Variants in RBPMS observed in about 807,000 individuals in gnomAD.
RBPMS encodes RNA-binding protein with multiple splicing.
RBPMS carries 7 observed loss-of-function variants against 26.8 expected under a neutral mutation model. The ratio of observed to expected loss-of-function variants is 0.26; its 90% CI spans 0.15 to 0.49. The LOEUF (loss-of-function observed/expected upper bound fraction) is 0.49. Ranked by LOEUF, RBPMS falls within the 20% of genes least tolerant of loss-of-function variation. The pLI, the probability that RBPMS is intolerant of heterozygous loss-of-function variation, is 0.98. For missense variants in RBPMS, 186 were observed against 250.0 expected, an observed-to-expected ratio of 0.74 and a Z score of 1.73; for synonymous variants, 96 against 93.3, an observed-to-expected ratio of 1.03 and a Z score of -0.17.
chr8:30,541,922 T>C (rs1285666180), intron 5 of RBPMS, among the ~76,000 whole-genome samples: 1 of 152,180 alleles, frequency 6.6e-6, no homozygotes, highest in East Asian at 1.9e-4. Context: ...AAGGAGTGTA[T>C]GTGTGTGTTA....
intron 1 of RBPMS, among the ~76,000 whole-genome samples, chr8:30,389,366 G>A (rs1351806467): frequency 2.0e-5 from 3 of 152,212 alleles, no homozygotes; most frequent in Non-Finnish European, 4.4e-5. Context: ...TTTCAGATGG[G>A]TAGTTTGGAA....
intron 5 of RBPMS, chr8:30,537,430 T>C (rs1057438281): frequency 2.7e-6 from 1 of 374,954 alleles, no homozygotes; most frequent in African/African-American, 2.1e-5. Context: ...CTTCTGCAGT[T>C]TGTATCAGAG....
intron 4 of RBPMS, among the ~76,000 whole-genome samples, chr8:30,482,975 A>C (rs750708269): frequency 3.3e-5 from 5 of 152,224 alleles, no homozygotes; most frequent in Non-Finnish European, 7.3e-5. Flanking sequence ...GGAAATTTTT[A>C]AACGGGACAC....
At chr8:30,415,722 CTGCT>C (rs1193104077) in intron 1 of RBPMS, among the ~76,000 whole-genome samples, 1 of 152,104 alleles carries the variant, frequency 6.6e-6, no homozygotes, top group Non-Finnish European at 1.5e-5. Flanking sequence ...TGGAATAAGA[CTGCT>C]TGGTGTGTTA....
chr8:30,562,547 CCTT>C (rs1194428761), intron 7 of RBPMS, among the ~76,000 whole-genome samples: 3 of 152,082 alleles, frequency 2.0e-5, no homozygotes, highest in Non-Finnish European at 4.4e-5. Flanking sequence ...TATTTCAGCT[CCTT>C]CTAGTCTCTT....
chr8:30,484,949 C>G (rs566676269), intron 4 of RBPMS, among the ~76,000 whole-genome samples: 1 of 152,206 alleles, frequency 6.6e-6, no homozygotes, highest in Non-Finnish European at 1.5e-5. Flanking sequence ...AGTTCTATAC[C>G]AAGTTTCTCA....
At chr8:30,477,213 C>T (rs993483064) in intron 2 of RBPMS, among the ~76,000 whole-genome samples, 6 of 152,098 alleles carry the variant, frequency 3.9e-5, no homozygotes, top group Admixed American at 1.3e-4. Flanking sequence ...CCACCATGCT[C>T]GGCTAATTTT....
At chr8:30,409,854 A>G (rs1381350159) in intron 1 of RBPMS, among the ~76,000 whole-genome samples, 1 of 150,764 alleles carries the variant, frequency 6.6e-6, no homozygotes, top group Non-Finnish European at 1.5e-5. Context: ...GCTGGTCTCG[A>G]TCTCCTGACC....
At chr8:30,488,641 C>G (rs1286363476) in intron 4 of RBPMS, among the ~76,000 whole-genome samples, 1 of 152,122 alleles carries the variant, frequency 6.6e-6, no homozygotes, top group African/African-American at 2.4e-5. Flanking sequence ...TCACCCTGTC[C>G]CCTTGATTTA....
At chr8:30,417,659 T>G (rs992035414) in intron 1 of RBPMS, among the ~76,000 whole-genome samples, 1 of 152,218 alleles carries the variant, frequency 6.6e-6, no homozygotes. Context: ...TGTGCATCTT[T>G]TTATGTACTT....
chr8:30,460,284 G>T (rs557839516), intron 1 of RBPMS, among the ~76,000 whole-genome samples: 19 of 152,262 alleles, frequency 1.2e-4, no homozygotes, highest in African/African-American at 4.6e-4. Flanking sequence ...ATCAGCACTG[G>T]GCTTTATAGT....
At chr8:30,567,362 C>G (rs1465290995) in intron 8 of RBPMS, among the ~76,000 whole-genome samples, 1 of 152,226 alleles carries the variant, frequency 6.6e-6, no homozygotes, top group South Asian at 2.1e-4. Flanking sequence ...AGCTTTCCCA[C>G]AGGAAGCCGG....
chr8:30,534,274 G>A (rs903650907), intron 5 of RBPMS, among the ~76,000 whole-genome samples: 6 of 152,062 alleles, frequency 3.9e-5, no homozygotes, highest in Non-Finnish European at 5.9e-5. Flanking sequence ...GTATGACCTT[G>A]GACAAGTCAC....
intron 1 of RBPMS, among the ~76,000 whole-genome samples, chr8:30,461,812 A>G (rs941470319): frequency 2.0e-5 from 3 of 152,184 alleles, no homozygotes; most frequent in Admixed American, 6.5e-5. Context: ...GATATAATCC[A>G]CTAATTTTGT....
chr8:30,543,830 G>A (rs1168398876), intron 5 of RBPMS, among the ~76,000 whole-genome samples: 1 of 152,174 alleles, frequency 6.6e-6, no homozygotes, highest in Non-Finnish European at 1.5e-5. Flanking sequence ...AAGTTAGTCT[G>A]TAAAGAGCAA....
chr8:30,409,409 C>T (rs934939980), intron 1 of RBPMS, among the ~76,000 whole-genome samples: 1 of 151,972 alleles, frequency 6.6e-6, no homozygotes, highest in South Asian at 2.1e-4. Flanking sequence ...GTCAGGTGGG[C>T]CTCGAACTCC....
chr8:30,481,569 C>A lies in RBPMS; in HGVS notation c.246+2192C>A, dbSNP rs1284592085. On this transcript the variant is annotated intron_variant, in intron 4 of 8. Transcript: ENST00000397323. ...TTCTTTTTTTTTTTCACTGGCAGTACGCCTTTCTTTAGCACTGTCCTCTCC... is the reference window on the plus strand; with the variant it reads ...TTCTTTTTTTTTTTCACTGGCAGTAAGCCTTTCTTTAGCACTGTCCTCTCC... 7.2e-5 allele frequency among the ~76,000 whole-genome samples: 11 copies of A among 151,786 alleles called. No homozygotes were observed. In the East Asian group the frequency reaches 2.1e-3, roughly 29 times the overall value.
rs561311524 is a variant in RBPMS, at chr8:30,546,415, G to A, written c.528+1791G>A. Reference sequence around the variant, plus strand: ...TGCTCATTCTTCATTCATGTAATGGGTCAAATCAGAAGTAATTCTGGAGAT... The same window carrying A: ...TGCTCATTCTTCATTCATGTAATGGATCAAATCAGAAGTAATTCTGGAGAT... On this transcript the variant is annotated intron_variant, in intron 6 of 8. Transcript: ENST00000397323. 2.0e-5 allele frequency among the ~76,000 whole-genome samples: 3 copies of A among 152,286 alleles called. No individual in the cohort carries two copies. The East Asian group carries it at 5.8e-4, about 29-fold the overall frequency.
intron 1 of RBPMS, among the ~76,000 whole-genome samples, chr8:30,420,870 A>T (rs1810697455): frequency 6.6e-6 from 1 of 152,216 alleles, no homozygotes; most frequent in Non-Finnish European, 1.5e-5. Context: ...TCAGGGCAGA[A>T]GATGAAGAGA....
Sources: allele counts gnomAD v4.1 joint callset (sites outside exome capture counted in the v4.1 genomes callset), GRCh38; gene constraint gnomAD v4.1.1; transcripts MANE v1.5; gene names NCBI Gene and HGNC (gene_info 2026-07-23, HGNC 2026-07-21).